Variants in HIVEP2 observed in about 807,000 individuals in gnomAD.
HIVEP2 encodes HIVEP zinc finger 2.
HIVEP2 carries 14 observed loss-of-function variants against 180.7 expected under a neutral mutation model. That is an observed-to-expected ratio of 0.08 (90% CI 0.05 to 0.12). The LOEUF is 0.12. HIVEP2 is among the 10% of genes least tolerant of loss of function. The pLI, the probability that HIVEP2 is intolerant of heterozygous loss-of-function variation, is 1.00. For missense variants in HIVEP2, 2,579 were observed against 3,008.5 expected, an observed-to-expected ratio of 0.86 and a Z score of 3.34; for synonymous variants, 1,184 against 1,136.4, an observed-to-expected ratio of 1.04 and a Z score of -0.84.
At chr6:142,891,064 A>G (rs1582945078) in intron 1 of HIVEP2, among the ~76,000 whole-genome samples, 1 of 152,234 alleles carries the variant, frequency 6.6e-6, no homozygotes, top group East Asian at 1.9e-4. Context: ...TTTCAAAAGT[A>G]TTTGGTAAAA....
chr6:142,803,934 C>T (rs183682444), intron 2 of HIVEP2, among the ~76,000 whole-genome samples: 4 of 152,230 alleles, frequency 2.6e-5, no homozygotes, highest in African/African-American at 7.2e-5. Flanking sequence ...ACCTGTTGAA[C>T]TCCTAAGCAT....
intron 1 of HIVEP2, among the ~76,000 whole-genome samples, chr6:142,903,391 C>A (rs1777179234): frequency 6.6e-6 from 1 of 152,148 alleles, no homozygotes; most frequent in Non-Finnish European, 1.5e-5. Context: ...TGGACTTGGA[C>A]TTCACTTTGA....
chr6:142,878,387 C>T (rs1776498152), intron 1 of HIVEP2, among the ~76,000 whole-genome samples: 2 of 152,186 alleles, frequency 1.3e-5, no homozygotes, highest in East Asian at 1.9e-4. Context: ...CGAATTTATA[C>T]ATCCATTAAG....
intron 1 of HIVEP2, among the ~76,000 whole-genome samples, chr6:142,934,155 A>G (rs1185056296): frequency 6.6e-6 from 1 of 152,222 alleles, no homozygotes; most frequent in Non-Finnish European, 1.5e-5. Flanking sequence ...GTATTGCTGT[A>G]TATCAGATTT....
intron 9 of HIVEP2, among the ~76,000 whole-genome samples, chr6:142,756,866 A>C (rs1451978828): frequency 6.6e-6 from 1 of 152,036 alleles, no homozygotes; most frequent in Admixed American, 6.6e-5. Flanking sequence ...TCTTAAAATT[A>C]AAACTAACAG....
At chr6:142,790,083 T>C (rs1206595233) in intron 2 of HIVEP2, among the ~76,000 whole-genome samples, 1 of 152,122 alleles carries the variant, frequency 6.6e-6, no homozygotes, top group African/African-American at 2.4e-5. Flanking sequence ...ATAACGAAAA[T>C]TTTTCAGTAA....
At chr6:142,793,622 C>CTCTTTCTTTCTTTCTTTCTTTCTTTCTT (rs753217978) in intron 2 of HIVEP2, among the ~76,000 whole-genome samples, 5 of 50,290 alleles carry the variant, frequency 9.9e-5, no homozygotes, top group South Asian at 1.6e-3. Context: ...ATCCTTCCTT[C>CTCTTTCTTTCTTTCTTTCTTTCTTTCTT]TCTTTCTTTC....
intron 1 of HIVEP2, among the ~76,000 whole-genome samples, chr6:142,921,609 G>A (rs1417578001): frequency 6.6e-6 from 1 of 152,146 alleles, no homozygotes; most frequent in Non-Finnish European, 1.5e-5. Context: ...TTATCATTAT[G>A]AACTAAAAAT....
At chr6:142,876,411 G>T (rs1776438596) in intron 1 of HIVEP2, among the ~76,000 whole-genome samples, 1 of 152,088 alleles carries the variant, frequency 6.6e-6, no homozygotes, top group African/African-American at 2.4e-5. Context: ...GCAGGAAAGA[G>T]GGGTGCTAAA....
chr6:142,928,150 G>T (rs907216073), intron 1 of HIVEP2, among the ~76,000 whole-genome samples: 2 of 152,198 alleles, frequency 1.3e-5, no homozygotes, highest in African/African-American at 4.8e-5. Flanking sequence ...GCAAGACTTC[G>T]ATAGTGGAGG....
Position 142,771,798 on chromosome 6 carries a change from T to G in HIVEP2, c.2941A>C (p.Met981Leu), listed in dbSNP as rs923651865. The G allele has an allele frequency of 6.2e-7, 1 of 1,614,222 alleles. No individual in the cohort carries two copies. Among genetic ancestry groups the G allele is most frequent in the Middle Eastern group, 1.6e-4 (1 of 6,062 alleles). The change falls in exon 5 of 10, where the codon ATG becomes CTG. Residue 981 changes from methionine (M) to leucine (L), a missense_variant. Coordinates refer to ENST00000367603, the MANE Select transcript of HIVEP2 (RefSeq NM_006734.4). This position sits in a 1 kb window ranked among gnomAD's most constrained non-coding sequence, Gnocchi z 5.4. ...CTGGTTTCTTCTCTTTCAAAAGACATGGAGAAACTGGAGCTGTGGGACAAG... is the reference window on the plus strand; with the variant it reads ...CTGGTTTCTTCTCTTTCAAAAGACAGGGAGAAACTGGAGCTGTGGGACAAG... ...SNLSHSSSFSMSFEREETSKL... is the reference protein window; with the variant it reads ...SNLSHSSSFSLSFEREETSKL...
At position 142,772,757 on chromosome 6, in the gene HIVEP2, A is replaced by T. The variant is rs1362863581; in HGVS notation, c.1982T>A (p.Ile661Asn). The T allele has an allele frequency of 3.1e-6, 5 of 1,614,232 alleles. No homozygotes were observed. Among genetic ancestry groups the T allele is most frequent in the Non-Finnish European group, 4.2e-6 (5 of 1,180,042 alleles). ...ATGCTTTAAAGAACTCAAGCAGGAAATGTCCCTGTAGTTTTGCTTTGGTGT... is the reference window on the plus strand; with the variant it reads ...ATGCTTTAAAGAACTCAAGCAGGAATTGTCCCTGTAGTTTTGCTTTGGTGT... ...SETPKQNYRDISCLSSLKHGG... is the reference protein window; with the variant it reads ...SETPKQNYRDNSCLSSLKHGG... The change falls in exon 5 of 10, where the codon ATT (isoleucine) becomes AAT (asparagine). Residue 661 changes from isoleucine (I) to asparagine (N), a missense_variant. Ile to Asn is a moderately radical substitution (Grantham distance 149). Coordinates refer to ENST00000367603, the MANE Select transcript of HIVEP2 (RefSeq NM_006734.4). This position sits in a 1 kb window ranked among gnomAD's most constrained non-coding sequence, Gnocchi z 4.9.
chr6:142,818,878 C>T (rs1776946688), intron 2 of HIVEP2, among the ~76,000 whole-genome samples: 2 of 151,762 alleles, frequency 1.3e-5, no homozygotes. Flanking sequence ...TGGGTCAAGC[C>T]TGTAATCCCA....
intron 1 of HIVEP2, among the ~76,000 whole-genome samples, chr6:142,854,350 C>T (rs541375741): frequency 2.2e-4 from 33 of 152,294 alleles, no homozygotes; most frequent in African/African-American, 7.9e-4. Flanking sequence ...CTCCAAATGC[C>T]TAACCATGCT....
chr6:142,838,367 A>G (rs1405450694), intron 1 of HIVEP2, among the ~76,000 whole-genome samples: 1 of 152,172 alleles, frequency 6.6e-6, no homozygotes, highest in Non-Finnish European at 1.5e-5. Context: ...TCTTTATTCC[A>G]GGGTTCTTGC....
At chr6:142,871,710 C>T (rs1486922528) in intron 1 of HIVEP2, among the ~76,000 whole-genome samples, 1 of 151,982 alleles carries the variant, frequency 6.6e-6, no homozygotes, top group Non-Finnish European at 1.5e-5. Context: ...TCTCTCCTCT[C>T]CCTAATTACT....
intron 9 of HIVEP2, among the ~76,000 whole-genome samples, chr6:142,754,402 A>T (rs1775010523): frequency 6.6e-6 from 1 of 152,144 alleles, no homozygotes; most frequent in African/African-American, 2.4e-5. Flanking sequence ...TTAAGTGTTG[A>T]TGAGTATATA....
intron 1 of HIVEP2, among the ~76,000 whole-genome samples, chr6:142,926,755 G>C (rs773324364): frequency 9.9e-5 from 15 of 152,168 alleles, no homozygotes; most frequent in Non-Finnish European, 1.8e-4. Flanking sequence ...AACCCGGGCC[G>C]GGGCGCGCGT....
chr6:142,800,572 TGA>T (rs769489568), intron 2 of HIVEP2, among the ~76,000 whole-genome samples: 5 of 152,320 alleles, frequency 3.3e-5, no homozygotes, highest in Non-Finnish European at 5.9e-5. Context: ...ATCTTTTTGA[TGA>T]GAATGATTTA....
Sources: gnomAD v4.1 joint callset for allele counts (sites outside exome capture counted in the v4.1 genomes callset) on GRCh38, gnomAD v4.1.1 for gene constraint, Gnocchi (gnomAD v3.1) non-coding constraint, MANE v1.5 for transcripts, NCBI Gene and HGNC (gene_info 2026-07-23, HGNC 2026-07-21) for gene names.